Variants in CEACAM20 observed in about 807,000 individuals in gnomAD.
CEACAM20 encodes the protein CEA cell adhesion molecule 20.
CEACAM20 carries 50 observed loss-of-function variants against 61.2 expected under a neutral mutation model. That is an observed-to-expected ratio of 0.82 (90% confidence interval 0.65 to 1.03). CEACAM20 has a LOEUF of 1.03. CEACAM20 is among the 50% of genes least tolerant of loss of function. The pLI is 0.00. For missense variants in CEACAM20, 683 were observed against 736.4 expected (o/e 0.93, Z 0.84); for synonymous variants, 282 against 287.7 (o/e 0.98, Z 0.20).
chr19:44,519,711 C>T (rs943741485), intron 5 of CEACAM20, among the ~76,000 whole-genome samples: 10 of 152,216 alleles, frequency 6.6e-5, no homozygotes, highest in Non-Finnish European at 1.2e-4. Context: ...CTGGTCCAGC[C>T]CTATCATCTC....
At chr19:44,527,839 A>G (rs903605870) in intron 1 of CEACAM20, among the ~76,000 whole-genome samples, 2 of 152,196 alleles carry the variant, frequency 1.3e-5, no homozygotes, top group African/African-American at 4.8e-5. Context: ...TCATGTCTTC[A>G]CTTCCAAAAT....
Position 44,529,483 on chromosome 19 carries a change from G to C in CEACAM20, c.27C>G (p.His9Gln), listed in dbSNP as rs549697754. Residue 9 changes from histidine to glutamine, a missense_variant, in exon 1 of 12, where the codon CAC (histidine) becomes CAG (glutamine). Physicochemically the swap from His to Gln is conservative, Grantham distance 24. Transcript: ENST00000614924. ...CTGAAAGCAGGATTCCCATCCAGTG[G>C]TGTCCCCATGAGTCAGCAGGCCCCA... Reference protein sequence around the residue: MGPADSWGHHWMGILLSAS... With the variant: MGPADSWGQHWMGILLSAS... 1.2e-6 allele frequency: 2 copies of C among 1,613,492 alleles called. No homozygotes were observed. Among genetic ancestry groups the C allele is most frequent in the South Asian group, 1.1e-5 (1 of 91,052 alleles).
intron 1 of CEACAM20, among the ~76,000 whole-genome samples, chr19:44,528,777 C>T (rs1210284033): frequency 6.6e-6 from 1 of 151,360 alleles, no homozygotes; most frequent in African/African-American, 2.4e-5. Flanking sequence ...TTTTCTGTCT[C>T]TGTCTCTCTG....
rs374169311 is a variant in CEACAM20, at chr19:44,520,763, G to A, written c.752-11C>T. 4.9e-5 allele frequency: 79 copies of A among 1,609,224 alleles called. No homozygotes were observed. The East Asian group carries it at 1.3e-3, about 27-fold the overall frequency. ...GCATGGTCAGTGTTTCTGGAAACACGTGGAGATACACAGTCAGGTTCAGGG... is the reference window on the plus strand; with the variant it reads ...GCATGGTCAGTGTTTCTGGAAACACATGGAGATACACAGTCAGGTTCAGGG... On this transcript the variant is annotated splice_polypyrimidine_tract_variant and intron_variant, in intron 4 of 11. Transcript: ENST00000614924.
At chr19:44,517,631 A>T (rs1361497795) in intron 5 of CEACAM20, among the ~76,000 whole-genome samples, 2 of 148,206 alleles carry the variant, frequency 1.3e-5, no homozygotes, top group African/African-American at 5.0e-5. Flanking sequence ...TGGGTGGTGG[A>T]GGTTGCAGTG....
At chr19:44,516,896 T>A (rs1971171322) in intron 6 of CEACAM20, 50 bp downstream of exon 6, 2 of 1,552,440 alleles carry the variant, frequency 1.3e-6, no homozygotes, top group East Asian at 2.4e-5. Flanking sequence ...GGGACCAGCA[T>A]CAGGAAAGGC....
chr19:44,517,928 T>TAA (rs771579204), intron 5 of CEACAM20, among the ~76,000 whole-genome samples: 2 of 150,898 alleles, frequency 1.3e-5, no homozygotes, highest in South Asian at 4.2e-4. Flanking sequence ...AAAATAAAAA[T>TAA]AAAAACTAGC....
intron 6 of CEACAM20, among the ~76,000 whole-genome samples, chr19:44,515,047 C>T (rs572447247): frequency 3.3e-5 from 5 of 151,712 alleles, no homozygotes; most frequent in Admixed American, 2.0e-4. Context: ...CATGTTGCCC[C>T]GGCTGGTCTT....
chr19:44,523,319 G>A (rs1412976427), intron 3 of CEACAM20, among the ~76,000 whole-genome samples: 1 of 152,066 alleles, frequency 6.6e-6, no homozygotes, highest in Non-Finnish European at 1.5e-5. Context: ...TGAGGCAGGA[G>A]GATCGCTTGA....
At chr19:44,528,166 CTTT>C (rs1971589389) in intron 1 of CEACAM20, among the ~76,000 whole-genome samples, 1 of 96,430 alleles carries the variant, frequency 1.0e-5, no homozygotes, top group Non-Finnish European at 2.5e-5. Flanking sequence ...TCTTTTCTTT[CTTT>C]CCTTTCTTTC....
At chr19:44,521,917 AC>A (rs1239292524) in intron 4 of CEACAM20, among the ~76,000 whole-genome samples, 1 of 149,768 alleles carries the variant, frequency 6.7e-6, no homozygotes, top group Non-Finnish European at 1.5e-5. Context: ...AGACAGTTAA[AC>A]CCCCCACCTC....
At chr19:44,512,996 G>T in intron 7 of CEACAM20, 43 bp from the exon 8 acceptor site, 1 of 1,527,236 alleles carries the variant, frequency 6.5e-7, no homozygotes, top group East Asian at 2.3e-5. Context: ...TCTAGTCCTT[G>T]CCCATCTCCA....
In CEACAM20 at chr19:44,524,184, T is replaced by A. The variant is rs1344614609; in HGVS notation, c.274A>T (p.Thr92Ser). The change falls in exon 3 of 12, where the codon ACT becomes TCT. Residue 92 changes from threonine (T) to serine (S), a missense_variant. Transcript: ENST00000614924. ...QKDMVTFYCT[T>S]KDVNITIHWV... ...TGGATGGTAATGTTGACGTCCTTAG[T>A]GGTGCAGTAGAAGGTCACCATGTCC... 6.2e-7 allele frequency: 1 copy of A among 1,613,840 alleles called. No homozygotes were observed. The highest frequency in any genetic ancestry group is 8.5e-7 in the Non-Finnish European group (1 of 1,179,876).
chr19:44,517,139 G>T lies in CEACAM20; in HGVS notation c.1116C>A (p.Thr372=), dbSNP rs766022533. The change falls in exon 6 of 12, where the codon ACC becomes ACA. Residue 372 remains threonine, a synonymous_variant. Transcript: ENST00000614924. Reference sequence around the variant, plus strand: ...GCTTGGACTCGGCCCAACACTGCAGGGTCAGGCTGGAGTTGAGCTCTGCCT... The same window carrying T: ...GCTTGGACTCGGCCCAACACTGCAGTGTCAGGCTGGAGTTGAGCTCTGCCT... ...TIEAELNSSL[T]LQCWAESKPG... 8.1e-6 allele frequency: 13 copies of T among 1,613,588 alleles called. No individual in the cohort carries two copies. Among genetic ancestry groups the T allele is most frequent in the African/African-American group, 2.7e-5 (2 of 75,000 alleles).
intron 7 of CEACAM20, 108 bp downstream of exon 7, chr19:44,513,064 C>A: frequency 7.7e-7 from 1 of 1,298,538 alleles, no homozygotes; most frequent in Non-Finnish European, 1.1e-6. Context: ...CCTCTGAATT[C>A]CCCAGGTGCC....
At chr19:44,517,849 T>A (rs1568452359) in intron 5 of CEACAM20, among the ~76,000 whole-genome samples, 1 of 151,770 alleles carries the variant, frequency 6.6e-6, no homozygotes, top group Non-Finnish European at 1.5e-5. Context: ...TAGGTGGATG[T>A]GAGTGGAACT....
chr19:44,512,106 C>T (rs1301323743), intron 8 of CEACAM20, 28 bp from the exon 9 acceptor site: 1 of 1,577,598 alleles, frequency 6.3e-7, no homozygotes, highest in South Asian at 1.2e-5. Flanking sequence ...CAGTCAGGAG[C>T]TGGAGTTCGA....
At chr19:44,529,260 T>C (rs12609269) in intron 1 of CEACAM20, among the ~76,000 whole-genome samples, 198 bp downstream of exon 1, 30,121 of 151,552 alleles carry the variant, frequency 0.2, 4,606 homozygotes, top group African/African-American at 0.43. Flanking sequence ...CCACCACGCC[T>C]GGCCCTATCT....
Position 44,520,598 on chromosome 19 carries a change from C to T in CEACAM20, c.906G>A (p.Leu302=). 1.2e-6 allele frequency: 2 copies of T among 1,614,006 alleles called. No individual in the cohort carries two copies. The highest frequency in any genetic ancestry group is 1.7e-6 in the Non-Finnish European group (2 of 1,179,890). Residue 302 remains leucine (L), a synonymous_variant, in exon 5 of 12, where the codon CTG becomes CTA. Coordinates refer to ENST00000614924, the MANE Select transcript of CEACAM20 (RefSeq NM_001102597.3). ...TGATTAGGGTCCTGTTGTCAGCTGA[C>T]AGCTGCAGGTGCTCACTGGGCAGGA... ...QPLLPSEHLQ[L]SADNRTLIIH...
Sources: gnomAD v4.1 joint callset for allele counts (sites outside exome capture counted in the v4.1 genomes callset) on GRCh38, gnomAD v4.1.1 for gene constraint, MANE v1.5 for transcripts, NCBI Gene and HGNC (gene_info 2026-07-23, HGNC 2026-07-21) for gene names.